GKAP1: variants seen among roughly 807,000 people sequenced by gnomAD.
GKAP1 encodes G kinase anchoring protein 1, also known as G kinase-anchoring protein 1.
In GKAP1, 31 loss-of-function variants were observed where a neutral mutation model predicts 56.7. The ratio of observed to expected loss-of-function variants is 0.55; its 90% CI spans 0.41 to 0.74. The LOEUF (loss-of-function observed/expected upper bound fraction) is 0.74. Among genes scored for constraint, GKAP1 ranks in the 30% least tolerant of loss-of-function variants. The probability of loss-of-function intolerance (pLI) is 0.00; values close to 1 mark genes in which losing one functional copy is unlikely to be tolerated. For synonymous variants in GKAP1, 151 were observed against 138.6 expected, an observed-to-expected ratio of 1.09 and a Z score of -0.63; for missense variants, 364 against 402.3, an observed-to-expected ratio of 0.90 and a Z score of 0.82.
intron 12 of GKAP1, among the ~76,000 whole-genome samples, chr9:83,741,344 C>T (rs1034606845): frequency 7.3e-5 from 10 of 136,920 alleles, no homozygotes; most frequent in African/African-American, 2.6e-4. Context: ...TATATACACA[C>T]ACATAAATAT....
intron 4 of GKAP1, among the ~76,000 whole-genome samples, chr9:83,798,934 G>A (rs1388874801): frequency 6.6e-6 from 1 of 152,092 alleles, no homozygotes; most frequent in African/African-American, 2.4e-5. Flanking sequence ...TCCCTGATTT[G>A]TAAAAGGCAG....
intron 4 of GKAP1, among the ~76,000 whole-genome samples, chr9:83,789,669 C>T (rs4297107): frequency 0.32 from 49,254 of 152,010 alleles, 8,740 homozygotes; most frequent in Admixed American, 0.48. Flanking sequence ...CCATACCACA[C>T]AAACACCCAA....
intron 3 of GKAP1, among the ~76,000 whole-genome samples, chr9:83,804,784 C>A (rs1427373126): frequency 2.7e-5 from 4 of 147,510 alleles, no homozygotes; most frequent in Non-Finnish European, 3.0e-5. Context: ...TCTGCCCGGC[C>A]GCCCCTACTG....
chr9:83,745,496 CT>C (rs1943278034), intron 10 of GKAP1, among the ~76,000 whole-genome samples: 1 of 152,150 alleles, frequency 6.6e-6, no homozygotes, highest in African/African-American at 2.4e-5. Context: ...ACTGTTGTTA[CT>C]GATAGCGATT....
At chr9:83,754,178 T>G (rs1434906332) in intron 8 of GKAP1, among the ~76,000 whole-genome samples, 1 of 152,160 alleles carries the variant, frequency 6.6e-6, no homozygotes, top group Non-Finnish European at 1.5e-5. Context: ...AATGTAAGGA[T>G]GATACTTTTA....
intron 8 of GKAP1, among the ~76,000 whole-genome samples, chr9:83,768,570 G>A (rs536281149): frequency 2.0e-5 from 3 of 152,038 alleles, no homozygotes; most frequent in Non-Finnish European, 4.4e-5. Context: ...TCCCTCATAC[G>A]AGTGCCTAAC....
intron 7 of GKAP1, among the ~76,000 whole-genome samples, chr9:83,779,168 G>C (rs895630571): frequency 6.6e-6 from 1 of 151,470 alleles, no homozygotes; most frequent in African/African-American, 2.4e-5. Flanking sequence ...TTTCAAACAT[G>C]GAATTAATAT....
intron 9 of GKAP1, among the ~76,000 whole-genome samples, chr9:83,751,009 A>G (rs372584783): frequency 6.6e-6 from 1 of 151,992 alleles, no homozygotes; most frequent in Admixed American, 6.6e-5. Flanking sequence ...CTAATTTTTC[A>G]TATTTTTAGT....
chr9:83,768,232 C>T (rs1943696115), intron 8 of GKAP1, among the ~76,000 whole-genome samples: 1 of 152,138 alleles, frequency 6.6e-6, no homozygotes, highest in African/African-American at 2.4e-5. Context: ...TTTTCAGTTT[C>T]CTAAACATTT....
At chr9:83,788,130 T>C (rs921307285) in intron 5 of GKAP1, among the ~76,000 whole-genome samples, 1 of 152,004 alleles carries the variant, frequency 6.6e-6, no homozygotes, top group African/African-American at 2.4e-5. Context: ...AAACAAAATG[T>C]AGCTGGGTGT....
At chr9:83,804,525 G>A (rs1377781836) in intron 3 of GKAP1, among the ~76,000 whole-genome samples, 2 of 68,764 alleles carry the variant, frequency 2.9e-5, no homozygotes, top group African/African-American at 6.7e-5. Flanking sequence ...GAGGGAGGTG[G>A]GGGGGTCAGC....
chr9:83,740,029 C>G (rs977696780), intron 12 of GKAP1, among the ~76,000 whole-genome samples: 1 of 151,944 alleles, frequency 6.6e-6, no homozygotes, highest in Admixed American at 6.6e-5. Flanking sequence ...TTTGACTGTT[C>G]TAGAATTAAA....
At chr9:83,788,532 A>C in intron 5 of GKAP1, 69 bp downstream of exon 5, 1 of 846,580 alleles carries the variant, frequency 1.2e-6, no homozygotes. Flanking sequence ...TGTAAAATTC[A>C]AGTAGGTTGA....
At chr9:83,785,319 G>T (rs1042533783) in intron 5 of GKAP1, among the ~76,000 whole-genome samples, 2 of 151,538 alleles carry the variant, frequency 1.3e-5, no homozygotes, top group South Asian at 2.1e-4. Flanking sequence ...AAAGCGTAGC[G>T]GTTGTTCACA....
chr9:83,789,687 T>C (rs182575761), intron 4 of GKAP1, among the ~76,000 whole-genome samples: 9 of 152,254 alleles, frequency 5.9e-5, no homozygotes, highest in Non-Finnish European at 1.3e-4. Context: ...CAAGCTATCA[T>C]CACCAATGAC....
chr9:83,742,682 C>T (rs2131223257), intron 10 of GKAP1, 82 bp from the exon 11 acceptor site: 2 of 767,930 alleles, frequency 2.6e-6, no homozygotes, highest in Non-Finnish European at 4.4e-6. Context: ...TAAGACATAG[C>T]AGTGCAATTA....
At chr9:83,810,012 A>G (rs1423548589) in intron 2 of GKAP1, among the ~76,000 whole-genome samples, 2 of 152,062 alleles carry the variant, frequency 1.3e-5, no homozygotes, top group African/African-American at 4.8e-5. Flanking sequence ...GGGTCTCCCT[A>G]TGTTGCCTAA....
chr9:83,767,515 C>T (rs1943685177), intron 8 of GKAP1, among the ~76,000 whole-genome samples: 2 of 151,902 alleles, frequency 1.3e-5, no homozygotes, highest in Non-Finnish European at 2.9e-5. Context: ...CCCTCCACAA[C>T]GCTCAGTTAT....
At chr9:83,745,161 G>T (rs1001953102) in intron 10 of GKAP1, among the ~76,000 whole-genome samples, 1 of 152,060 alleles carries the variant, frequency 6.6e-6, no homozygotes, top group Admixed American at 6.6e-5. Context: ...CTTCCAAGCA[G>T]CTGGGACCAT....
Sources: gnomAD v4.1 joint callset for allele counts (sites outside exome capture counted in the v4.1 genomes callset) on GRCh38, gnomAD v4.1.1 for gene constraint, MANE v1.5 for transcripts, NCBI Gene and HGNC (gene_info 2026-07-23, HGNC 2026-07-21) for gene names.